PCDH15: variants seen among roughly 807,000 people sequenced by gnomAD.
The protein encoded by PCDH15 is protocadherin-15.
A neutral mutation model predicts 178.5 loss-of-function variants in PCDH15; 129 were observed. The observed-to-expected ratio is 0.72, with a 90% confidence interval of 0.63 to 0.84. The LOEUF (loss-of-function observed/expected upper bound fraction) is 0.84, where lower values mean the gene tolerates loss of function less well. Among genes scored for constraint, PCDH15 ranks in the 40% least tolerant of loss-of-function variants. PCDH15 has a pLI of 0.00. For missense variants in PCDH15, 2,230 were observed against 2,099.9 expected (o/e 1.06, Z -1.21); for synonymous variants, 800 against 732.0 (o/e 1.09, Z -1.50).
chr10:55,142,166 G>C (rs1284895912), intron 2 of PCDH15, among the ~76,000 whole-genome samples: 1 of 152,028 alleles, frequency 6.6e-6, no homozygotes, highest in Admixed American at 6.6e-5. Flanking sequence ...CTATATCTTT[G>C]TCTCAGAGCT....
chr10:54,678,708 T>C (rs2094837723), intron 1 of PCDH15, among the ~76,000 whole-genome samples: 1 of 152,176 alleles, frequency 6.6e-6, no homozygotes, highest in African/African-American at 2.4e-5. Flanking sequence ...CATTTATGTA[T>C]TTGTGAAGGT....
intron 1 of PCDH15, among the ~76,000 whole-genome samples, chr10:54,712,962 G>A (rs566074323): frequency 6.6e-6 from 1 of 152,012 alleles, no homozygotes; most frequent in Non-Finnish European, 1.5e-5. Flanking sequence ...GATAGAAAAC[G>A]TTGGCACAGA....
chr10:54,186,961 A>G (rs1465268587), intron 11 of PCDH15, among the ~76,000 whole-genome samples: 1 of 152,042 alleles, frequency 6.6e-6, no homozygotes, highest in East Asian at 1.9e-4. Context: ...GTTGATAAAA[A>G]AGTTTTAGTT....
At chr10:53,966,703 T>C (rs2660186) in intron 21 of PCDH15, among the ~76,000 whole-genome samples, 107,405 of 151,766 alleles carry the variant, frequency 0.71, 38,393 homozygotes, top group East Asian at 0.87. Flanking sequence ...CTTAAAATTA[T>C]GAATTAGCAT....
chr10:54,804,930 TATA>T (rs1952752669), upstream of PCDH15, among the ~76,000 whole-genome samples: 1 of 119,996 alleles, frequency 8.3e-6, no homozygotes, highest in African/African-American at 3.0e-5. Context: ...TAGTAGATTA[TATA>T]TATATATATA....
At chr10:55,431,434 T>C (rs1838877842) in intron 2 of PCDH15, among the ~76,000 whole-genome samples, 1 of 152,166 alleles carries the variant, frequency 6.6e-6, no homozygotes, top group South Asian at 2.1e-4. Flanking sequence ...CTTGTGTTTC[T>C]TAAAAATTAC....
chr10:55,396,460 A>G (rs1837931111), intron 2 of PCDH15, among the ~76,000 whole-genome samples: 1 of 152,204 alleles, frequency 6.6e-6, no homozygotes, highest in Non-Finnish European at 1.5e-5. Flanking sequence ...CTTAAAATAC[A>G]GCTTAAGTGG....
intron 1 of PCDH15, among the ~76,000 whole-genome samples, chr10:55,293,315 T>G (rs1843055315): frequency 2.0e-5 from 3 of 152,204 alleles, no homozygotes; most frequent in Admixed American, 6.5e-5. Flanking sequence ...CATTTTGTCC[T>G]CTTAGGCCTC....
chr10:54,198,961 A>T (rs1688835926), intron 10 of PCDH15, among the ~76,000 whole-genome samples: 1 of 152,200 alleles, frequency 6.6e-6, no homozygotes, highest in Admixed American at 6.5e-5. Context: ...TTACATTCAG[A>T]TCATATATCA....
intron 1 of PCDH15, among the ~76,000 whole-genome samples, chr10:54,668,380 A>C (rs2094605025): frequency 6.6e-6 from 1 of 152,190 alleles, no homozygotes; most frequent in East Asian, 1.9e-4. Flanking sequence ...TCAGTAAATG[A>C]AGTGAGATTA....
At chr10:54,657,912 T>A (rs916296897) in intron 2 of PCDH15, among the ~76,000 whole-genome samples, 2 of 152,126 alleles carry the variant, frequency 1.3e-5, no homozygotes, top group Non-Finnish European at 2.9e-5. Flanking sequence ...GTGCAAGGAA[T>A]TTCAATCAGA....
intron 8 of PCDH15, among the ~76,000 whole-genome samples, chr10:54,291,586 A>G (rs2059410418): frequency 6.6e-6 from 1 of 152,234 alleles, no homozygotes; most frequent in African/African-American, 2.4e-5. Context: ...AGACTAATAA[A>G]GAGGAAAAGA....
chr10:54,355,496 T>C (rs1380473228), intron 5 of PCDH15, among the ~76,000 whole-genome samples: 31 of 152,068 alleles, frequency 2.0e-4, no homozygotes. Flanking sequence ...TGCAATATGT[T>C]ATTTGAGAAA....
chr10:54,445,841 G>A (rs542250987), intron 3 of PCDH15, among the ~76,000 whole-genome samples: 127 of 151,560 alleles, frequency 8.4e-4, no homozygotes, highest in African/African-American at 2.9e-3. Context: ...ACAGAAATTA[G>A]TTTATTGTGA....
intron 2 of PCDH15, among the ~76,000 whole-genome samples, chr10:55,559,092 A>G (rs925343952): frequency 2.0e-5 from 3 of 152,094 alleles, no homozygotes; most frequent in African/African-American, 7.2e-5. Flanking sequence ...GTGTTATAAC[A>G]GTATTTCATT....
intron 1 of PCDH15, among the ~76,000 whole-genome samples, chr10:54,681,322 CA>C (rs1456613718): frequency 6.6e-6 from 1 of 151,996 alleles, no homozygotes; most frequent in East Asian, 1.9e-4. Flanking sequence ...TCAGGGTAGA[CA>C]AAAAATTGCC....
At chr10:55,175,757 A>G (rs1221255299) in intron 1 of PCDH15, among the ~76,000 whole-genome samples, 1 of 152,050 alleles carries the variant, frequency 6.6e-6, no homozygotes, top group Non-Finnish European at 1.5e-5. Flanking sequence ...TCAGTCTTTT[A>G]TAATAGGGCT....
intron 32 of PCDH15, chr10:53,823,932 T>C (rs1184048724): frequency 1.9e-5 from 7 of 376,060 alleles, no homozygotes; most frequent in Non-Finnish European, 3.3e-5. Context: ...AATTGAGAAA[T>C]TGAATGTATG....
chr10:55,404,172 ATCCTAG>A (rs1838142252), intron 2 of PCDH15, among the ~76,000 whole-genome samples: 1 of 152,060 alleles, frequency 6.6e-6, no homozygotes, highest in Non-Finnish European at 1.5e-5. Context: ...AGGAAGAGCT[ATCCTAG>A]TCCCAATTCT....
Sources: allele counts gnomAD v4.1 joint callset (sites outside exome capture counted in the v4.1 genomes callset), GRCh38; gene constraint gnomAD v4.1.1; transcripts MANE v1.5; gene names NCBI Gene and HGNC (gene_info 2026-07-23, HGNC 2026-07-21).